The following HHAT variants were observed in gnomAD, a reference collection of about 807,000 sequenced individuals.
The protein encoded by HHAT is protein-cysteine N-palmitoyltransferase HHAT.
In HHAT, 47 loss-of-function variants were observed where a neutral mutation model predicts 70.8. The ratio of observed to expected loss-of-function variants is 0.66; its 90% CI spans 0.53 to 0.85. The LOEUF (loss-of-function observed/expected upper bound fraction) is 0.85, where lower values mean the gene tolerates loss of function less well. Ranked by LOEUF, HHAT falls within the 40% of genes least tolerant of loss-of-function variation. The pLI is 0.00. For synonymous variants in HHAT, 228 were observed against 247.6 expected (o/e 0.92, Z 0.74); for missense variants, 609 against 604.8 (o/e 1.01, Z -0.07).
At chr1:210,346,643 G>A (rs761050973) in intron 1 of HHAT, among the ~76,000 whole-genome samples, 7 of 152,218 alleles carry the variant, frequency 4.6e-5, no homozygotes, top group East Asian at 1.9e-4. Flanking sequence ...TTTAGGTAAC[G>A]AAATGGGGCA....
rs117787038 is a variant in HHAT, at chr1:210,435,413, T to C, written c.856+17088T>C. The stretch of plus-strand genomic sequence containing the variant: ...GATTGCATATTTTGGTTATTGTGAA[T>C]AATGCTGCAATAAACATGGGGAGTA... On this transcript the variant is annotated intron_variant, in intron 7 of 11. Coordinates refer to ENST00000261458, the MANE Select transcript of HHAT (RefSeq NM_018194.6). 8.5e-4 allele frequency among the ~76,000 whole-genome samples: 129 copies of C among 152,060 alleles called. 2 individuals are homozygous for C. In the East Asian group the frequency reaches 0.024, roughly 28 times the overall value.
intron 5 of HHAT, among the ~76,000 whole-genome samples, chr1:210,403,549 C>T (rs2092181962): frequency 6.6e-6 from 1 of 152,154 alleles, no homozygotes; most frequent in Non-Finnish European, 1.5e-5. Context: ...TCCTCTTTTC[C>T]CTTGGTGGCT....
intron 7 of HHAT, among the ~76,000 whole-genome samples, chr1:210,431,068 C>G (rs2093228627): frequency 6.6e-6 from 1 of 151,868 alleles, no homozygotes. Context: ...ATGTTAATTG[C>G]TGCTTTGTCC....
At chr1:210,654,209 T>C (rs1321922516) in intron 11 of HHAT, among the ~76,000 whole-genome samples, 3 of 21,456 alleles carry the variant, frequency 1.4e-4, no homozygotes, top group African/African-American at 2.4e-4. Flanking sequence ...ATGGGAGTAG[T>C]GTGACAGTGG....
At chr1:210,558,043 G>C (rs1169801770) in intron 9 of HHAT, among the ~76,000 whole-genome samples, 2 of 152,218 alleles carry the variant, frequency 1.3e-5, no homozygotes, top group East Asian at 1.9e-4. Flanking sequence ...TGGATCCCTA[G>C]GGTTTTTTCT....
chr1:210,335,721 A>G (rs1223670626), intron 1 of HHAT, among the ~76,000 whole-genome samples: 1 of 152,224 alleles, frequency 6.6e-6, no homozygotes, highest in African/African-American at 2.4e-5. Context: ...GACTATCCAC[A>G]TAGACAAAAT....
chr1:210,662,031 T>A (rs1472586650), intron 11 of HHAT, among the ~76,000 whole-genome samples: 3 of 152,248 alleles, frequency 2.0e-5, no homozygotes, highest in Non-Finnish European at 4.4e-5. Flanking sequence ...TAAGTTTAGC[T>A]GTTTTTATCT....
At chr1:210,453,360 C>G (rs1400666235) in intron 7 of HHAT, among the ~76,000 whole-genome samples, 1 of 152,202 alleles carries the variant, frequency 6.6e-6, no homozygotes, top group Non-Finnish European at 1.5e-5. Context: ...TACTCTGGAA[C>G]TTGACTGTTC....
At chr1:210,342,043 C>T (rs1362180462) in intron 1 of HHAT, among the ~76,000 whole-genome samples, 1 of 152,068 alleles carries the variant, frequency 6.6e-6, no homozygotes, top group African/African-American at 2.4e-5. Context: ...TTTGGAGTTG[C>T]TGTTTTATCT....
At chr1:210,436,801 C>T (rs750313631) in intron 7 of HHAT, among the ~76,000 whole-genome samples, 24 of 151,858 alleles carry the variant, frequency 1.6e-4, no homozygotes, top group Non-Finnish European at 3.2e-4. Context: ...TTCCCTTTGG[C>T]AGTAAGGGTT....
intron 9 of HHAT, among the ~76,000 whole-genome samples, chr1:210,559,992 G>A (rs2095606834): frequency 6.6e-6 from 1 of 151,468 alleles, no homozygotes; most frequent in African/African-American, 2.5e-5. Flanking sequence ...TCCACTAATC[G>A]TAGAAGGCCC....
chr1:210,523,421 A>G (rs1558084987), intron 9 of HHAT, among the ~76,000 whole-genome samples: 1 of 151,988 alleles, frequency 6.6e-6, no homozygotes, highest in Non-Finnish European at 1.5e-5. Flanking sequence ...CCTCGATAAC[A>G]CTGCCTCCCA....
At chr1:210,654,662 G>T (rs563615230) in intron 11 of HHAT, among the ~76,000 whole-genome samples, 1 of 152,184 alleles carries the variant, frequency 6.6e-6, no homozygotes, top group Non-Finnish European at 1.5e-5. Context: ...GATGAGAGTC[G>T]CATGATGGTT....
intron 4 of HHAT, among the ~76,000 whole-genome samples, chr1:210,390,939 C>A (rs565384375): frequency 6.6e-6 from 1 of 152,304 alleles, no homozygotes; most frequent in South Asian, 2.1e-4. Context: ...TTTGCAATTG[C>A]AAATTAGGCT....
intron 8 of HHAT, among the ~76,000 whole-genome samples, chr1:210,500,931 C>T (rs1040809596): frequency 6.6e-6 from 1 of 152,170 alleles, no homozygotes. Flanking sequence ...ACCAGGCTGT[C>T]CAACTTCTTT....
In HHAT at chr1:210,448,111, G is replaced by A. The variant is rs993635580; in HGVS notation, c.857-16394G>A. On this transcript the variant is annotated intron_variant, in intron 7 of 11. Coordinates refer to ENST00000261458, the MANE Select transcript of HHAT (RefSeq NM_018194.6). ...TTTTTTTTTTTTGAGATGAAGTCTC[G>A]TTCTGTCACTCAGCCTGTAATGCGG... Among the ~76,000 whole-genome samples the A allele has an allele frequency of 5.6e-5, 8 of 143,628 alleles. No individual in the cohort carries two copies. In the East Asian group the frequency reaches 8.1e-4, roughly 14 times the overall value. 94.2% of individuals were successfully genotyped at this position (143,628 alleles called of 152,430 possible).
At chr1:210,594,604 T>C (rs1049654216) in intron 10 of HHAT, among the ~76,000 whole-genome samples, 3 of 152,204 alleles carry the variant, frequency 2.0e-5, no homozygotes, top group Admixed American at 6.6e-5. Flanking sequence ...TACATTGTTA[T>C]AGTATTCTGT....
intron 8 of HHAT, among the ~76,000 whole-genome samples, chr1:210,496,295 C>T (rs2148529154): frequency 6.6e-6 from 1 of 152,178 alleles, no homozygotes; most frequent in Non-Finnish European, 1.5e-5. Context: ...ACCACATAGG[C>T]CTTTCCTTAG....
At chr1:210,487,117 G>A (rs1314625852) in intron 8 of HHAT, among the ~76,000 whole-genome samples, 1 of 152,196 alleles carries the variant, frequency 6.6e-6, no homozygotes, top group African/African-American at 2.4e-5. Flanking sequence ...GGACGGGCAG[G>A]AATGAGTGTT....
Sources: allele counts gnomAD v4.1 joint callset (sites outside exome capture counted in the v4.1 genomes callset), GRCh38; gene constraint gnomAD v4.1.1; transcripts MANE v1.5; gene names NCBI Gene and HGNC (gene_info 2026-07-23, HGNC 2026-07-21).